The following SLC35F4 variants were observed in gnomAD, a reference collection of about 807,000 sequenced individuals.
SLC35F4 encodes the protein solute carrier family 35 member F4.
SLC35F4 carries 24 observed loss-of-function variants against 44.2 expected under a neutral mutation model. The observed-to-expected ratio is 0.54, with a 90% confidence interval of 0.39 to 0.76. SLC35F4 has a LOEUF of 0.76. Ranked by LOEUF, SLC35F4 falls within the 30% of genes least tolerant of loss-of-function variation. The pLI is 0.00. For synonymous variants in SLC35F4, 238 were observed against 223.6 expected (o/e 1.06, Z -0.57); for missense variants, 562 against 586.1 (o/e 0.96, Z 0.42).
chr14:57,888,716 A>T (rs767026404), intron 1 of SLC35F4, among the ~76,000 whole-genome samples: 8 of 152,210 alleles, frequency 5.3e-5, no homozygotes, highest in Non-Finnish European at 8.8e-5. Context: ...GAAAAAGAAA[A>T]ACAAGAAAGT....
chr14:57,689,761 T>C (rs545158707), intron 1 of SLC35F4, among the ~76,000 whole-genome samples: 113 of 141,412 alleles, frequency 8.0e-4, no homozygotes, highest in African/African-American at 2.7e-3. Context: ...GGGGGAGGGA[T>C]AGCATTAGGA....
intron 1 of SLC35F4, among the ~76,000 whole-genome samples, chr14:57,838,868 A>G (rs146655180): frequency 2.6e-5 from 4 of 152,228 alleles, no homozygotes; most frequent in African/African-American, 9.6e-5. Flanking sequence ...AAATCAGTCC[A>G]TATGGCTGGA....
chr14:57,940,622 A>G (rs1889900354), intron 1 of SLC35F4, among the ~76,000 whole-genome samples: 1 of 152,192 alleles, frequency 6.6e-6, no homozygotes, highest in African/African-American at 2.4e-5. Flanking sequence ...TTGAGATACT[A>G]TGAGATAAGG....
chr14:57,942,622 A>G (rs1258797670), intron 1 of SLC35F4, among the ~76,000 whole-genome samples: 1 of 152,180 alleles, frequency 6.6e-6, no homozygotes. Flanking sequence ...ATACCAACTA[A>G]TACAACTGTT....
At chr14:57,845,239 G>C (rs1885905123) in intron 1 of SLC35F4, among the ~76,000 whole-genome samples, 2 of 152,146 alleles carry the variant, frequency 1.3e-5, no homozygotes, top group African/African-American at 4.8e-5. Context: ...GTATGGATTT[G>C]GGCAGTAGAC....
chr14:57,692,818 T>C (rs1186368064), intron 1 of SLC35F4, among the ~76,000 whole-genome samples: 1 of 152,020 alleles, frequency 6.6e-6, no homozygotes, highest in African/African-American at 2.4e-5. Context: ...GCCTGTAGTA[T>C]ACAGCAGCTA....
intron 3 of SLC35F4, among the ~76,000 whole-genome samples, chr14:57,587,401 A>C (rs1226448908): frequency 6.6e-6 from 1 of 152,258 alleles, no homozygotes; most frequent in Admixed American, 6.5e-5. Context: ...AGACTGGATG[A>C]AGAAAATGTG....
intron 1 of SLC35F4, among the ~76,000 whole-genome samples, chr14:57,650,884 C>A (rs994737845): frequency 6.6e-6 from 1 of 152,134 alleles, no homozygotes; most frequent in Non-Finnish European, 1.5e-5. Context: ...TTCCCTGTGC[C>A]TGGAACCCTT....
intron 1 of SLC35F4, among the ~76,000 whole-genome samples, chr14:57,862,117 C>T (rs1887733347): frequency 6.6e-6 from 1 of 152,144 alleles, no homozygotes; most frequent in African/African-American, 2.4e-5. Flanking sequence ...ACCTTCCACA[C>T]TTCAGCTGAT....
chr14:57,750,133 T>C (rs57266864), intron 1 of SLC35F4, among the ~76,000 whole-genome samples: 1 of 151,788 alleles, frequency 6.6e-6, no homozygotes, highest in African/African-American at 2.4e-5. Context: ...AGTGAAAACA[T>C]GCGGTATTTG....
At chr14:57,931,320 T>G (rs1371779980) in intron 1 of SLC35F4, among the ~76,000 whole-genome samples, 1 of 152,234 alleles carries the variant, frequency 6.6e-6, no homozygotes, top group African/African-American at 2.4e-5. Flanking sequence ...TCATACATCA[T>G]CAACTTTGAA....
At chr14:57,660,451 G>A (rs953954394) in intron 1 of SLC35F4, among the ~76,000 whole-genome samples, 1 of 150,678 alleles carries the variant, frequency 6.6e-6, no homozygotes, top group African/African-American at 2.4e-5. Context: ...CAGCTACGTG[G>A]TATACTGTGA....
At chr14:57,570,341 A>G (rs555080554) in intron 5 of SLC35F4, among the ~76,000 whole-genome samples, 11 of 152,298 alleles carry the variant, frequency 7.2e-5, no homozygotes, top group Non-Finnish European at 1.5e-4. Context: ...AACTTAAAGC[A>G]TGGGATTTGT....
chr14:57,674,411 G>A (rs1174143282), intron 1 of SLC35F4, among the ~76,000 whole-genome samples: 1 of 152,068 alleles, frequency 6.6e-6, no homozygotes, highest in Non-Finnish European at 1.5e-5. Context: ...AAAAAGATGT[G>A]TACAAGAATT....
chr14:57,753,071 G>C (rs1385932988), intron 1 of SLC35F4, among the ~76,000 whole-genome samples: 1 of 152,224 alleles, frequency 6.6e-6, no homozygotes, highest in Non-Finnish European at 1.5e-5. Context: ...CTGCCGGGGA[G>C]AGAAGAGAGA....
intron 1 of SLC35F4, among the ~76,000 whole-genome samples, chr14:57,654,193 G>C (rs202169335): frequency 6.6e-6 from 1 of 152,112 alleles, no homozygotes; most frequent in East Asian, 1.9e-4. Context: ...TGGCTTACAT[G>C]AATTAGTTCT....
At chr14:57,598,868 C>T (rs1015117561) in intron 1 of SLC35F4, among the ~76,000 whole-genome samples, 5 of 144,534 alleles carry the variant, frequency 3.5e-5, no homozygotes, top group Admixed American at 7.2e-5. Flanking sequence ...GCAATTAACA[C>T]GATCTAGGGA....
In SLC35F4 at chr14:57,851,161, CA is replaced by C. The variant is rs373000203; in HGVS notation, c.103+14561del. Among the ~76,000 whole-genome samples, 550 of 152,274 alleles carry C rather than the reference CA, an allele frequency of 3.6e-3. 2 individuals carry two copies. Among genetic ancestry groups the C allele is most frequent in the African/African-American group, 0.013 (529 of 41,556 alleles). On this transcript the variant is annotated intron_variant, in intron 1 of 7. Transcript: ENST00000556826. ...TTTTAGCTTTTTATTAGTCCAACCA[CA>C]AGAGCTTTCTCACTAAAATTTACCT... is the stretch of plus-strand genomic sequence containing the variant.
intron 1 of SLC35F4, among the ~76,000 whole-genome samples, chr14:57,729,618 A>G (rs143218181): frequency 1.3e-4 from 20 of 152,278 alleles, no homozygotes; most frequent in Non-Finnish European, 2.6e-4. Context: ...GGGGAAAGAC[A>G]AAGTCCTCTT....
Sources: allele counts gnomAD v4.1 joint callset (sites outside exome capture counted in the v4.1 genomes callset), GRCh38; gene constraint gnomAD v4.1.1; transcripts MANE v1.5; gene names NCBI Gene and HGNC (gene_info 2026-07-23, HGNC 2026-07-21).